Variants in PLXNA4 observed in about 807,000 individuals in gnomAD.
PLXNA4 encodes the protein plexin A4.
In PLXNA4, 44 loss-of-function variants were observed where a neutral mutation model predicts 191.8. That is an observed-to-expected ratio of 0.23 (90% CI 0.18 to 0.29). The LOEUF is 0.29. Among genes scored for constraint, PLXNA4 ranks in the 10% least tolerant of loss-of-function variants. The pLI, the probability that PLXNA4 is intolerant of heterozygous loss-of-function variation, is 1.00. For synonymous variants in PLXNA4, 1,082 were observed against 1,009.5 expected (o/e 1.07, Z -1.36); for missense variants, 1,800 against 2,488.8 (o/e 0.72, Z 5.89).
intron 1 of PLXNA4, among the ~76,000 whole-genome samples, chr7:132,551,991 TG>T (rs1311736372): frequency 6.7e-6 from 1 of 148,756 alleles, no homozygotes; most frequent in Non-Finnish European, 1.5e-5. Context: ...TTGAAGGGGG[TG>T]GGGGGAAGGA....
At chr7:132,189,030 A>AAGAGAGAG (rs3085197) in intron 14 of PLXNA4, among the ~76,000 whole-genome samples, 5 of 61,914 alleles carry the variant, frequency 8.1e-5, no homozygotes, top group Admixed American at 3.8e-4. Context: ...GAGAGAGAGA[A>AAGAGAGAG]AGAGAGAGAG....
chr7:132,591,817 C>T (rs938195025), intron 2 of PLXNA4, among the ~76,000 whole-genome samples: 5 of 152,192 alleles, frequency 3.3e-5, no homozygotes, highest in African/African-American at 4.8e-5. Flanking sequence ...ACTCCATTCT[C>T]AGAATGCTGC....
rs1406450350 is a variant in PLXNA4 at position 132,241,133 on chromosome 7, A to G, written c.1537T>C (p.Tyr513His). Residue 513 changes from tyrosine to histidine, a missense_variant, in exon 5 of 32, where the codon TAT becomes CAT. Tyr to His is a moderately conservative substitution (Grantham distance 83, BLOSUM62 2). This residue lies in a region of PLXNA4 where 1,397 missense variants were observed against 1,880.4 expected (regional missense o/e 0.74). Coordinates refer to ENST00000321063, the MANE Select transcript of PLXNA4 (RefSeq NM_020911.2). ...CCAAGGCACTCGCCGCAGCTCTGAT[A>G]CTGACCACAGGACTCCACAGGGACT... ...TRVPVESCGQ[Y>H]QSCGECLGSG... is the part of the protein sequence containing the mutation. The G allele has an allele frequency of 1.2e-6, 2 of 1,613,064 alleles. No individual in the cohort carries two copies. Among genetic ancestry groups the G allele is most frequent in the African/African-American group, 1.3e-5 (1 of 74,910 alleles).
chr7:132,226,019 G>T, intron 8 of PLXNA4, 142 bp downstream of exon 8: 1 of 708,496 alleles, frequency 1.4e-6, no homozygotes, highest in East Asian at 2.7e-5. Context: ...GACTCCCTGT[G>T]GGTACCAGAG....
chr7:132,128,436 C>T lies in PLXNA4; in HGVS notation c.*2043G>A. On this transcript the variant is annotated 3_prime_UTR_variant, in exon 32 of 32. Transcript: ENST00000321063. The stretch of plus-strand genomic sequence containing the variant: ...GGCGACCACCCTGATTTCCTATGGA[C>T]AAGCGCCCTCTCCTTCCACCCACCA... 6.6e-6 allele frequency: 1 copy of T among 152,202 alleles called. No individual in the cohort carries two copies. Among genetic ancestry groups the T allele is most frequent in the Admixed American group, 6.5e-5 (1 of 15,284 alleles). 9.4% of individuals were successfully genotyped at this position (152,202 alleles called of 1,614,324 possible).
At chr7:132,443,423 G>C (rs147005644) in intron 3 of PLXNA4, among the ~76,000 whole-genome samples, 4 of 152,114 alleles carry the variant, frequency 2.6e-5, no homozygotes, top group Non-Finnish European at 5.9e-5. Context: ...CAAGTCTGCC[G>C]ATACTCTGTA....
At chr7:132,138,240 G>A (rs1212017881) in intron 30 of PLXNA4, among the ~76,000 whole-genome samples, 1 of 152,158 alleles carries the variant, frequency 6.6e-6, no homozygotes, top group African/African-American at 2.4e-5. Context: ...ACAGCAGTGA[G>A]CCTCTAAGTA....
chr7:132,405,072 A>ATGTATG (rs1554433355), intron 3 of PLXNA4, among the ~76,000 whole-genome samples: 1 of 149,128 alleles, frequency 6.7e-6, no homozygotes, highest in East Asian at 2.0e-4. Context: ...GTGTGTGTGT[A>ATGTATG]TGTGTGTGTG....
intron 5 of PLXNA4, among the ~76,000 whole-genome samples, chr7:132,228,760 C>A (rs1160771181): frequency 6.6e-6 from 1 of 152,238 alleles, no homozygotes; most frequent in Non-Finnish European, 1.5e-5. Flanking sequence ...TGTCTATTCA[C>A]CCTCTCTGCA....
chr7:132,440,763 A>C (rs1795670224), intron 3 of PLXNA4, among the ~76,000 whole-genome samples: 1 of 152,188 alleles, frequency 6.6e-6, no homozygotes, highest in African/African-American at 2.4e-5. Flanking sequence ...AGCTGCTGTT[A>C]TGGGATTTTT....
chr7:132,523,722 A>AGT (rs1299424920), intron 1 of PLXNA4, among the ~76,000 whole-genome samples: 2 of 152,168 alleles, frequency 1.3e-5, no homozygotes, highest in Non-Finnish European at 2.9e-5. Flanking sequence ...CTCAGGTGAC[A>AGT]GTGTCAGAAA....
intron 5 of PLXNA4, 117 bp from the exon 6 acceptor site, chr7:132,228,586 C>T: frequency 1.5e-6 from 2 of 1,304,924 alleles, no homozygotes; most frequent in Non-Finnish European, 2.1e-6. Context: ...TCAATGCGCC[C>T]AGAGCTAACC....
chr7:132,527,934 G>A (rs1298123241), intron 1 of PLXNA4, among the ~76,000 whole-genome samples: 1 of 152,124 alleles, frequency 6.6e-6, no homozygotes, highest in East Asian at 1.9e-4. Flanking sequence ...AGTTAATTTA[G>A]TAACAATCAA....
upstream of PLXNA4, among the ~76,000 whole-genome samples, chr7:132,581,787 G>A (rs1802407016): frequency 6.6e-6 from 1 of 152,094 alleles, no homozygotes; most frequent in Admixed American, 6.5e-5. Flanking sequence ...TAACTCCCAT[G>A]CCTCCCATGG....
intron 3 of PLXNA4, among the ~76,000 whole-genome samples, chr7:132,344,662 A>T (rs1330746928): frequency 6.6e-6 from 1 of 152,122 alleles, no homozygotes; most frequent in Non-Finnish European, 1.5e-5. Flanking sequence ...CATTATCTAC[A>T]TGCAGGGTTT....
At chr7:132,517,750 TC>T in intron 1 of PLXNA4, among the ~76,000 whole-genome samples, 1 of 152,256 alleles carries the variant, frequency 6.6e-6, no homozygotes, top group Middle Eastern at 3.4e-3. Flanking sequence ...GATAGAGAAA[TC>T]TTCCTGCTCA....
chr7:132,359,265 A>G (rs1371997645), intron 3 of PLXNA4, among the ~76,000 whole-genome samples: 1 of 137,416 alleles, frequency 7.3e-6, no homozygotes. Flanking sequence ...TTTGTCACGC[A>G]GGCTGGAGTA....
chr7:132,477,984 T>C (rs905500015), intron 3 of PLXNA4, among the ~76,000 whole-genome samples: 25 of 152,212 alleles, frequency 1.6e-4, no homozygotes, highest in Non-Finnish European at 3.7e-4. Flanking sequence ...TGAATCCACA[T>C]TTCCTACCCA....
chr7:132,155,153 A>G (rs1336778960), intron 25 of PLXNA4, among the ~76,000 whole-genome samples: 1 of 152,208 alleles, frequency 6.6e-6, no homozygotes, highest in Non-Finnish European at 1.5e-5. Context: ...CTATTGATAG[A>G]GCATTTGCAT....
Sources: gnomAD v4.1 joint callset for allele counts (sites outside exome capture counted in the v4.1 genomes callset) on GRCh38, gnomAD v4.1.1 for gene constraint, gnomAD v4.1.1 regional missense constraint, MANE v1.5 for transcripts, NCBI Gene and HGNC (gene_info 2026-07-23, HGNC 2026-07-21) for gene names.